STPG2: variants seen among roughly 807,000 people sequenced by gnomAD.
The protein encoded by STPG2 is sperm-tail PG-rich repeat-containing protein 2.
In STPG2, 56 loss-of-function variants were observed where a neutral mutation model predicts 54.2. The observed-to-expected ratio is 1.03, with a 90% CI of 0.83 to 1.29. The LOEUF (loss-of-function observed/expected upper bound fraction) is 1.29. Among genes scored for constraint, STPG2 ranks in the 50% most tolerant of loss-of-function variants. The probability of loss-of-function intolerance (pLI) is 0.00; values close to 1 mark genes in which losing one functional copy is unlikely to be tolerated. For synonymous variants in STPG2, 200 were observed against 181.8 expected (o/e 1.10, Z -0.81); for missense variants, 596 against 544.9 (o/e 1.09, Z -0.93).
At chr4:97,655,170 G>A (rs974123008) in intron 10 of STPG2, among the ~76,000 whole-genome samples, 3 of 151,948 alleles carry the variant, frequency 2.0e-5, no homozygotes, top group Non-Finnish European at 4.4e-5. Context: ...GTCTAATATA[G>A]AAAATCTATT....
chr4:98,057,276 C>T lies in STPG2; in HGVS notation c.612+48677G>A, dbSNP rs889375442. Among the ~76,000 whole-genome samples, 7 of 152,132 alleles carry T rather than the reference C, an allele frequency of 4.6e-5. No homozygotes were observed. In the South Asian group the frequency reaches 6.2e-4, roughly 14 times the overall value. ...TGAAGTTAATTGAGCAACAGGAATA[C>T]ATTGAAACCAAATGCAAGGAAGCTA... On this transcript the variant is annotated intron_variant, in intron 5 of 10. Transcript: ENST00000295268.
At chr4:97,712,479 T>C (rs1724154668) in intron 10 of STPG2, among the ~76,000 whole-genome samples, 2 of 152,242 alleles carry the variant, frequency 1.3e-5, no homozygotes, top group African/African-American at 4.8e-5. Flanking sequence ...CTGCAAAGCA[T>C]ATTTAGAGAT....
chr4:98,052,827 T>A (rs1737364646), intron 5 of STPG2, among the ~76,000 whole-genome samples: 1 of 152,156 alleles, frequency 6.6e-6, no homozygotes, highest in Non-Finnish European at 1.5e-5. Flanking sequence ...TATATACTCA[T>A]AAATAAGTAC....
chr4:97,790,824 G>A (rs1726967609), intron 9 of STPG2, among the ~76,000 whole-genome samples: 1 of 152,118 alleles, frequency 6.6e-6, no homozygotes, highest in African/African-American at 2.4e-5. Flanking sequence ...CACAGCTGGT[G>A]AGCAACTTTT....
intron 9 of STPG2, among the ~76,000 whole-genome samples, chr4:97,827,587 G>T (rs1358671359): frequency 6.6e-6 from 1 of 152,088 alleles, no homozygotes; most frequent in African/African-American, 2.4e-5. Flanking sequence ...CAAATTTGAG[G>T]CATATTTGTT....
intron 1 of STPG2, among the ~76,000 whole-genome samples, chr4:98,138,453 T>G (rs188169858): frequency 1.3e-5 from 2 of 152,164 alleles, no homozygotes; most frequent in East Asian, 3.9e-4. Context: ...CAAACTGGTA[T>G]GAAGCAATAA....
At chr4:97,816,880 C>T (rs1727930707) in intron 9 of STPG2, among the ~76,000 whole-genome samples, 1 of 148,804 alleles carries the variant, frequency 6.7e-6, no homozygotes. Flanking sequence ...TTCACTCTTT[C>T]TTTTTCTTTT....
intron 10 of STPG2, among the ~76,000 whole-genome samples, chr4:97,567,751 T>C (rs1162075670): frequency 6.6e-6 from 1 of 152,064 alleles, no homozygotes; most frequent in Non-Finnish European, 1.5e-5. Flanking sequence ...TATTGTATAT[T>C]ACATATAGAT....
At chr4:97,970,212 T>C (rs1250621070) in intron 7 of STPG2, among the ~76,000 whole-genome samples, 4 of 152,118 alleles carry the variant, frequency 2.6e-5, no homozygotes, top group Non-Finnish European at 5.9e-5. Flanking sequence ...AGAATCAATA[T>C]TGTGAAAATG....
At chr4:97,656,468 C>T (rs184498720) in intron 10 of STPG2, among the ~76,000 whole-genome samples, 11 of 151,884 alleles carry the variant, frequency 7.2e-5, no homozygotes, top group African/African-American at 2.2e-4. Flanking sequence ...CTTTTCTCTC[C>T]ATTAGGACAA....
intron 9 of STPG2, among the ~76,000 whole-genome samples, chr4:97,754,596 C>T (rs981999158): frequency 6.6e-6 from 1 of 152,088 alleles, no homozygotes; most frequent in Non-Finnish European, 1.5e-5. Flanking sequence ...AGGTAGCTAA[C>T]TCCCACTTCT....
intron 10 of STPG2, among the ~76,000 whole-genome samples, chr4:97,650,050 C>A (rs1722020710): frequency 6.6e-6 from 1 of 152,070 alleles, no homozygotes; most frequent in Admixed American, 6.6e-5. Context: ...GAGCACGCAA[C>A]CCAGATCCCT....
At chr4:97,771,675 C>T (rs778508646) in intron 9 of STPG2, among the ~76,000 whole-genome samples, 15 of 152,168 alleles carry the variant, frequency 9.9e-5, no homozygotes, top group Non-Finnish European at 2.1e-4. Flanking sequence ...GGTATGCAGA[C>T]ATGCAGAGGG....
At chr4:98,139,624 TA>T (rs1740226558) in intron 1 of STPG2, among the ~76,000 whole-genome samples, 1 of 151,686 alleles carries the variant, frequency 6.6e-6, no homozygotes, top group African/African-American at 2.4e-5. Context: ...GAGAAATCAC[TA>T]AAGAGATACC....
chr4:97,642,708 C>T (rs1422783648), intron 10 of STPG2, among the ~76,000 whole-genome samples: 2 of 151,310 alleles, frequency 1.3e-5, no homozygotes, highest in South Asian at 2.1e-4. Context: ...GTAGGCACAA[C>T]GTTAATTCTC....
intron 9 of STPG2, among the ~76,000 whole-genome samples, chr4:97,717,344 G>A (rs1724320308): frequency 6.6e-6 from 1 of 152,158 alleles, no homozygotes; most frequent in Admixed American, 6.5e-5. Context: ...CAGAGTATCT[G>A]GAAGTTATTG....
At chr4:98,073,732 A>T (rs936299093) in intron 5 of STPG2, among the ~76,000 whole-genome samples, 2 of 152,116 alleles carry the variant, frequency 1.3e-5, no homozygotes, top group Admixed American at 6.5e-5. Context: ...CATCCCAAAA[A>T]ATATATATAG....
intron 10 of STPG2, among the ~76,000 whole-genome samples, chr4:97,609,025 C>T (rs1317924293): frequency 6.6e-6 from 1 of 151,924 alleles, no homozygotes; most frequent in African/African-American, 2.4e-5. Context: ...TTTAGGTTTG[C>T]AAATATGAAA....
In STPG2 at chr4:97,558,938, C is replaced by T. The variant is rs185641685; in HGVS notation, c.*120G>A. 1.1e-4 allele frequency: 89 copies of T among 823,420 alleles called. No individual in the cohort carries two copies. The highest frequency in any genetic ancestry group is 1.6e-4 in the Non-Finnish European group (82 of 499,820). 51.0% of individuals were successfully genotyped at this position (823,420 alleles called of 1,614,324 possible). ...TAGTCACTAAAGCCTGAGCGAATGC[C>T]TGAACAAGTGAAAATTATGCTTTTA... is the stretch of plus-strand genomic sequence containing the variant. On this transcript the variant is annotated 3_prime_UTR_variant, in exon 11 of 11. Coordinates refer to ENST00000295268, the MANE Select transcript of STPG2 (RefSeq NM_174952.3).
Sources: gnomAD v4.1 joint callset for allele counts (sites outside exome capture counted in the v4.1 genomes callset) on GRCh38, gnomAD v4.1.1 for gene constraint, MANE v1.5 for transcripts, NCBI Gene and HGNC (gene_info 2026-07-23, HGNC 2026-07-21) for gene names.